The following DHX9 variants were observed in gnomAD, a reference collection of about 807,000 sequenced individuals.
The protein encoded by DHX9 is DExH-box helicase 9, also known as ATP-dependent RNA helicase A.
A neutral mutation model predicts 148.7 loss-of-function variants in DHX9; 27 were observed. The observed-to-expected ratio is 0.18, with a 90% CI of 0.13 to 0.25. DHX9 has a LOEUF of 0.25. DHX9 is among the 10% of genes least tolerant of loss of function. DHX9 has a pLI of 1.00. For synonymous variants in DHX9, 529 were observed against 516.6 expected (o/e 1.02, Z -0.33); for missense variants, 796 against 1,559.6 (o/e 0.51, Z 8.25).
chr1:182,877,013 C>T, intron 19 of DHX9, 110 bp downstream of exon 19: 1 of 693,028 alleles, frequency 1.4e-6, no homozygotes, highest in East Asian at 2.7e-5. Flanking sequence ...GTTCTTAAAT[C>T]TCCAAAATTA....
At chr1:182,850,553 C>T (rs1164381267) in intron 3 of DHX9, among the ~76,000 whole-genome samples, 4 of 150,808 alleles carry the variant, frequency 2.7e-5, no homozygotes, top group Non-Finnish European at 4.4e-5. Context: ...TGTCATTGCA[C>T]CATTGCACTC....
At chr1:182,869,150 A>G (rs1648430986) in intron 14 of DHX9, among the ~76,000 whole-genome samples, 1 of 152,194 alleles carries the variant, frequency 6.6e-6, no homozygotes, top group African/African-American at 2.4e-5. Flanking sequence ...TGGGCCAGGC[A>G]CAGTGGCTCA....
intron 1 of DHX9, among the ~76,000 whole-genome samples, chr1:182,840,639 C>T (rs1477814739): frequency 6.6e-6 from 1 of 152,172 alleles, no homozygotes; most frequent in African/African-American, 2.4e-5. Context: ...CTTCCTGAAG[C>T]AAGATATTCT....
At chr1:182,874,564 A>G (rs1390969309) in intron 15 of DHX9, among the ~76,000 whole-genome samples, 1 of 152,194 alleles carries the variant, frequency 6.6e-6, no homozygotes, top group African/African-American at 2.4e-5. Context: ...CTCCCACACA[A>G]TGGAAGTGTA....
chr1:182,875,213 G>T, intron 16 of DHX9: 1 of 497,464 alleles, frequency 2.0e-6, no homozygotes, highest in Non-Finnish European at 3.9e-6. Context: ...ATGTTTAAAG[G>T]CCAGGCATGG....
chr1:182,858,392 A>T, intron 8 of DHX9, 152 bp downstream of exon 8: 1 of 1,103,512 alleles, frequency 9.1e-7, no homozygotes, highest in Non-Finnish European at 1.3e-6. Context: ...CATGATGTTC[A>T]TAATAGGCAG....
chr1:182,887,405 G>A lies in DHX9; in HGVS notation c.3784G>A (p.Gly1262Arg), dbSNP rs1649383531. 6.2e-7 allele frequency: 1 copy of A among 1,613,706 alleles called. No individual in the cohort carries two copies. ...GRGAYGTGYF[G>R]QGRGGGGY ...GGGGGCCTATGGAACTGGCTACTTT[G>A]GACAGGGAAGAGGAGGTGGCGGCTA... The change falls in exon 28 of 28, where the codon GGA becomes AGA. Residue 1262 changes from glycine to arginine, a missense_variant. Coordinates refer to ENST00000367549, the MANE Select transcript of DHX9 (RefSeq NM_001357.5).
At chr1:182,841,355 TTGGTATTGAACATTA>T (rs1241729059) in intron 1 of DHX9, among the ~76,000 whole-genome samples, 7 of 152,150 alleles carry the variant, frequency 4.6e-5, no homozygotes, top group African/African-American at 1.7e-4. Context: ...TAGCATGTAG[TTGGTATTGAACATTA>T]TGGGGTTGTA....
intron 16 of DHX9, among the ~76,000 whole-genome samples, chr1:182,875,539 A>G (rs966098130): frequency 3.9e-5 from 6 of 152,356 alleles, no homozygotes; most frequent in African/African-American, 9.6e-5. Context: ...GGACGACGAT[A>G]GTATAGAAAT....
In DHX9 at chr1:182,887,877, G is replaced by A. The variant is rs560290967; in HGVS notation, c.*443G>A. 6.0e-6 allele frequency: 1 copy of A among 166,650 alleles called. No individual in the cohort carries two copies. Among genetic ancestry groups the A allele is most frequent in the African/African-American group, 2.4e-5 (1 of 41,776 alleles). 10.3% of individuals were successfully genotyped at this position (166,650 alleles called of 1,614,324 possible). On this transcript the variant is annotated 3_prime_UTR_variant, in exon 28 of 28. Coordinates refer to ENST00000367549, the MANE Select transcript of DHX9 (RefSeq NM_001357.5). ...AAAAGTATACTAAGTGATACTACTTGTAATAGAATAAATCATCTTGGAATT... is the reference window on the plus strand; with the variant it reads ...AAAAGTATACTAAGTGATACTACTTATAATAGAATAAATCATCTTGGAATT...
At chr1:182,848,428 A>T (rs1460905735) in intron 3 of DHX9, among the ~76,000 whole-genome samples, 1 of 152,272 alleles carries the variant, frequency 6.6e-6, no homozygotes, top group East Asian at 1.9e-4. Flanking sequence ...TGTCACCAAG[A>T]TGAGAAACCT....
chr1:182,858,406 G>T, intron 8 of DHX9, 145 bp from the exon 9 acceptor site: 1 of 1,041,838 alleles, frequency 9.6e-7, no homozygotes, highest in Non-Finnish European at 1.4e-6. Flanking sequence ...TAGGCAGTGA[G>T]TAAATAATCA....
intron 15 of DHX9, among the ~76,000 whole-genome samples, chr1:182,873,525 T>A (rs1193639434): frequency 6.6e-6 from 1 of 152,222 alleles, no homozygotes; most frequent in Non-Finnish European, 1.5e-5. Context: ...GAGCTCAGTT[T>A]CTTACTACTA....
intron 24 of DHX9, among the ~76,000 whole-genome samples, chr1:182,882,101 G>T (rs746552403): frequency 6.2e-4 from 95 of 152,182 alleles, no homozygotes; most frequent in Non-Finnish European, 1.3e-3. Context: ...AGGTAGTTGG[G>T]CAAGATGGTA....
intron 15 of DHX9, among the ~76,000 whole-genome samples, chr1:182,873,986 GA>G (rs952582808): frequency 1.1e-4 from 17 of 151,584 alleles, no homozygotes; most frequent in African/African-American, 3.9e-4. Flanking sequence ...ACAGTTTGAG[GA>G]AAAAAAATAA....
intron 12 of DHX9, among the ~76,000 whole-genome samples, 165 bp from the exon 13 acceptor site, chr1:182,866,268 AAAACATTTTTT>A (rs1190911481): frequency 6.6e-6 from 1 of 152,230 alleles, no homozygotes; most frequent in Non-Finnish European, 1.5e-5. Flanking sequence ...TGCAAAATGA[AAAACATTTTTT>A]AAGTGTCTGC....
At position 182,867,464 on chromosome 1, in the gene DHX9, G is replaced by A. The variant is rs529263055; in HGVS notation, c.1557+421G>A. Reference sequence around the variant, plus strand: ...GTCACCCAGGCTGGAGTGCAGTGGCGCGATCTCAGCTCACAGCAACCTCCG... The same window carrying A: ...GTCACCCAGGCTGGAGTGCAGTGGCACGATCTCAGCTCACAGCAACCTCCG... On this transcript the variant is annotated intron_variant, in intron 14 of 27. Coordinates refer to ENST00000367549, the MANE Select transcript of DHX9 (RefSeq NM_001357.5). 6.6e-5 allele frequency among the ~76,000 whole-genome samples: 10 copies of A among 152,104 alleles called. No individual in the cohort carries two copies. The East Asian group carries it at 1.5e-3, about 24-fold the overall frequency.
rs3838484 is a variant in DHX9 at position 182,854,512 on chromosome 1, A to AT, written c.626+344dup. Among the ~76,000 whole-genome samples the AT allele has an allele frequency of 7.7e-4, 116 of 150,112 alleles. No homozygotes were observed. The East Asian group carries it at 0.017, about 22-fold the overall frequency. ...ATGTAAAAGCCAGCCAAAGGTGGTG[A>AT]TTTTTTTTTTCACCTTGGTATTGTT... On this transcript the variant is annotated intron_variant, in intron 6 of 27. Transcript: ENST00000367549.
In DHX9 at chr1:182,866,700, T is replaced by G. The variant is rs576918489; in HGVS notation, c.1474+115T>G. The G allele has an allele frequency of 2.8e-5, 37 of 1,340,850 alleles. No homozygotes were observed. The African/African-American group carries it at 4.5e-4, about 16-fold the overall frequency. The allele number at this position is 1,340,850 out of a possible 1,614,324, so 83.1% of individuals were successfully genotyped here. On this transcript the variant is annotated intron_variant, in intron 13 of 27. Coordinates refer to ENST00000367549, the MANE Select transcript of DHX9 (RefSeq NM_001357.5). ...AATGAGCCAGTCTCAGATTTCTTGT[T>G]TAAATAAAACTTTTGGCAGTTTTTT... is the stretch of plus-strand genomic sequence containing the variant.
Sources: gnomAD v4.1 joint callset for allele counts (sites outside exome capture counted in the v4.1 genomes callset) on GRCh38, gnomAD v4.1.1 for gene constraint, MANE v1.5 for transcripts, NCBI Gene and HGNC (gene_info 2026-07-23, HGNC 2026-07-21) for gene names.